Variants in CEP135 observed in about 807,000 individuals in gnomAD.
CEP135 encodes the protein centrosomal protein 135, also known as centrosomal protein of 135 kDa.
In CEP135, 142 loss-of-function variants were observed where a neutral mutation model predicts 157.3. That is an observed-to-expected ratio of 0.90 (90% CI 0.79 to 1.04). CEP135 has a LOEUF of 1.04. Among genes scored for constraint, CEP135 ranks in the 50% least tolerant of loss-of-function variants. The probability of loss-of-function intolerance (pLI) is 0.00; values close to 1 mark genes in which losing one functional copy is unlikely to be tolerated. For synonymous variants in CEP135, 396 were observed against 439.8 expected (o/e 0.90, Z 1.25); for missense variants, 1,317 against 1,309.2 (o/e 1.01, Z -0.09).
chr4:55,985,312 C>A lies in CEP135; in HGVS notation c.1811C>A (p.Ser604Ter). 1 of 1,593,024 alleles carries A rather than the reference C, an allele frequency of 6.3e-7. No individual in the cohort carries two copies. The highest frequency in any genetic ancestry group is 8.6e-7 in the Non-Finnish European group (1 of 1,162,610). ...GAAGAAGTGAGTCTTTTTGGAAAAT[C>A]AGAATTAGAGAAAACTATTGAACAT... is the stretch of plus-strand genomic sequence containing the variant. ...HIEEVSLFGK[S>*]ELEKTIEHLT... Residue 604 changes from serine to a stop codon, truncating the protein, a stop_gained, in exon 14 of 26, where the codon TCA becomes TAA. Transcript: ENST00000257287. LOFTEE classifies it high-confidence loss of function.
chr4:56,004,820 A>C (rs1474934342), intron 17 of CEP135, among the ~76,000 whole-genome samples: 1 of 151,906 alleles, frequency 6.6e-6, no homozygotes, highest in African/African-American at 2.4e-5. Context: ...TCCTGTAGGC[A>C]GTATATAGTT....
intron 17 of CEP135, 42 bp downstream of exon 17, chr4:55,999,687 A>G: frequency 6.4e-7 from 1 of 1,563,284 alleles, no homozygotes; most frequent in Non-Finnish European, 8.6e-7. Flanking sequence ...TCCAAACAGA[A>G]CAGTTTTTTT....
chr4:55,957,333 A>T lies in CEP135; in HGVS notation c.583A>T (p.Ile195Phe). Residue 195 changes from isoleucine to phenylalanine, a missense_variant, in exon 5 of 26, where the codon ATT becomes TTT. Coordinates refer to ENST00000257287, the MANE Select transcript of CEP135 (RefSeq NM_025009.5). ...AGTTCCTCAACCAGATGACCCTTAC[A>T]TTGCAGACCTCCTTCAAGTGGCTGA... The part of the protein sequence containing the change: ...YPVPQPDDPY[I>F]ADLLQVADNR... The T allele has an allele frequency of 1.2e-6, 2 of 1,613,696 alleles. No homozygotes were observed. The highest frequency in any genetic ancestry group is 1.7e-6 in the Non-Finnish European group (2 of 1,179,934).
intron 6 of CEP135, among the ~76,000 whole-genome samples, chr4:55,961,143 A>G (rs1342746476): frequency 6.6e-6 from 1 of 151,032 alleles, no homozygotes; most frequent in Non-Finnish European, 1.5e-5. Context: ...GTCAACCCCA[A>G]AAACCTTACT....
intron 20 of CEP135, 21 bp from the exon 21 acceptor site, chr4:56,011,779 A>G: frequency 1.3e-6 from 2 of 1,554,218 alleles, no homozygotes; most frequent in Non-Finnish European, 1.7e-6. Context: ...TTTAGAAACA[A>G]TTTTATTGTG....
intron 14 of CEP135, among the ~76,000 whole-genome samples, chr4:55,989,950 C>T (rs1729730558): frequency 6.6e-6 from 1 of 152,138 alleles, no homozygotes; most frequent in African/African-American, 2.4e-5. Context: ...AATATGATCC[C>T]CAGGGCAAAT....
intron 22 of CEP135, 101 bp from the exon 23 acceptor site, chr4:56,019,252 G>A: frequency 2.3e-6 from 2 of 855,660 alleles, no homozygotes; most frequent in Non-Finnish European, 3.6e-6. Flanking sequence ...TGAAACAAGT[G>A]ATAGGTGAAT....
chr4:56,021,972 A>G (rs1730987776), intron 24 of CEP135, among the ~76,000 whole-genome samples: 2 of 152,102 alleles, frequency 1.3e-5, no homozygotes, highest in Admixed American at 6.6e-5. Flanking sequence ...TGAGGCTGCA[A>G]TGAGCTGTGA....
In CEP135 at chr4:55,981,320, G is replaced by T; in HGVS notation, c.1720G>T (p.Ala574Ser). ...VSLMEKEKEL[A>S]LSDLRRIMAE... Reference sequence around the variant, plus strand: ...TCTTATGGAAAAGGAAAAAGAACTTGCGTTATCTGACTTAAGAAGAATTAT... The same window carrying T: ...TCTTATGGAAAAGGAAAAAGAACTTTCGTTATCTGACTTAAGAAGAATTAT... Residue 574 changes from alanine (A) to serine (S), a missense_variant, in exon 13 of 26, where the codon GCG becomes TCG. Physicochemically the swap from Ala to Ser is moderately conservative, Grantham distance 99 (BLOSUM62 1). Coordinates refer to ENST00000257287, the MANE Select transcript of CEP135 (RefSeq NM_025009.5). The T allele has an allele frequency of 6.3e-7, 1 of 1,596,648 alleles. No homozygotes were observed. The highest frequency in any genetic ancestry group is 8.5e-7 in the Non-Finnish European group (1 of 1,174,758).
chr4:56,011,556 G>A, intron 20 of CEP135, 34 bp downstream of exon 20: 2 of 1,406,120 alleles, frequency 1.4e-6, no homozygotes, highest in East Asian at 4.6e-5. Context: ...ATTTAAGACT[G>A]AGGTTTTTTT....
intron 19 of CEP135, 72 bp downstream of exon 19, chr4:56,009,975 A>AT (rs1212218801): frequency 5.7e-6 from 8 of 1,415,182 alleles, no homozygotes; most frequent in African/African-American, 4.4e-5. Context: ...AGCTCTAAAT[A>AT]TTTTTTCTAA....
intron 25 of CEP135, among the ~76,000 whole-genome samples, chr4:56,025,324 A>G (rs1042506035): frequency 6.6e-6 from 1 of 152,218 alleles, no homozygotes; most frequent in Admixed American, 6.5e-5. Context: ...CATCTACAGC[A>G]TAACGTTAAA....
intron 25 of CEP135, among the ~76,000 whole-genome samples, chr4:56,031,124 C>T (rs1357009287): frequency 1.3e-5 from 2 of 151,652 alleles, no homozygotes; most frequent in African/African-American, 4.9e-5. Flanking sequence ...ACGGCAAGAC[C>T]CTATCTCTAA....
chr4:55,981,078 C>G, intron 12 of CEP135, 149 bp from the exon 13 acceptor site: 1 of 662,526 alleles, frequency 1.5e-6, no homozygotes, highest in South Asian at 2.9e-5. Flanking sequence ...ATTATTCTTA[C>G]TATTTTAATC....
rs530558609 is a variant in CEP135, at chr4:55,998,457, CT to C, written c.2010-841del. Among the ~76,000 whole-genome samples the C allele has an allele frequency of 5.2e-3, 794 of 152,322 alleles. 5 individuals carry two copies. The highest frequency in any genetic ancestry group is 0.018 in the African/African-American group (759 of 41,562). ...CCATGTAGGCCGCTGTACATCCTTT[CT>C]TTTGCTCCCTGAACCAAGTCTTCAA... On this transcript the variant is annotated intron_variant, in intron 15 of 25. Transcript: ENST00000257287.
At chr4:55,972,329 T>G (rs1729055392) in intron 10 of CEP135, among the ~76,000 whole-genome samples, 2 of 152,172 alleles carry the variant, frequency 1.3e-5, no homozygotes. Context: ...TAATGGCACA[T>G]AAATTAAGAA....
rs541328123 is a variant in CEP135, at chr4:56,031,673, TTAA to T, written c.*330_*332del. On this transcript the variant is annotated 3_prime_UTR_variant, in exon 26 of 26. Transcript: ENST00000257287. ...TAATATAATGTATTCACATTATTCT[TTAA>T]TAATCTGTTTATTAATAAGCCATGA... The T allele has an allele frequency of 1.5e-3, 226 of 152,292 alleles. 2 individuals are homozygous for T. Among genetic ancestry groups the T allele is most frequent in the Admixed American group, 0.013 (204 of 15,288 alleles). The allele number at this position is 152,292 out of a possible 1,614,324, so 9.4% of individuals were successfully genotyped here. A position where few individuals can be genotyped will look rare whatever the true frequency, so the allele number is the denominator to read the frequency against.
chr4:55,981,471 T>C, intron 13 of CEP135, 92 bp downstream of exon 13: 1 of 1,104,232 alleles, frequency 9.1e-7, no homozygotes, highest in Non-Finnish European at 1.3e-6. Flanking sequence ...ATTGGCCAAA[T>C]CCAGACCACT....
intron 15 of CEP135, among the ~76,000 whole-genome samples, chr4:55,995,823 T>C (rs1729952793): frequency 6.6e-6 from 1 of 152,116 alleles, no homozygotes; most frequent in South Asian, 2.1e-4. Context: ...CTAGTAAACA[T>C]CCTTAAGCCT....
Sources: gnomAD v4.1 joint callset for allele counts (sites outside exome capture counted in the v4.1 genomes callset) on GRCh38, gnomAD v4.1.1 for gene constraint, MANE v1.5 for transcripts, NCBI Gene and HGNC (gene_info 2026-07-23, HGNC 2026-07-21) for gene names.